Variants in EPB41L4B observed in about 807,000 individuals in gnomAD.
EPB41L4B encodes erythrocyte membrane protein band 4.1 like 4B.
Under a neutral mutation model 112.5 loss-of-function variants are expected in EPB41L4B, and 30 were observed. The ratio of observed to expected loss-of-function variants is 0.27; its 90% CI spans 0.20 to 0.36. The LOEUF is 0.36. Ranked by LOEUF, EPB41L4B falls within the 10% of genes least tolerant of loss-of-function variation. The pLI is 1.00. For synonymous variants in EPB41L4B, 408 were observed against 439.7 expected, an observed-to-expected ratio of 0.93 and a Z score of 0.90; for missense variants, 1,024 against 1,133.3, an observed-to-expected ratio of 0.90 and a Z score of 1.38.
At chr9:109,312,431 G>A (rs1400252659) in intron 1 of EPB41L4B, among the ~76,000 whole-genome samples, 6 of 152,062 alleles carry the variant, frequency 3.9e-5, no homozygotes, top group African/African-American at 1.4e-4. Flanking sequence ...GATCCCAAGT[G>A]GCCTACAAAG....
rs369599059 is a variant in EPB41L4B at position 109,194,230 on chromosome 9, G to A, written c.2213C>T (p.Pro738Leu). ...HKSEGKGLLS[P>L]GAKSPSDRGG... ...TCCACCCCCCAATACCTTGGCCCCAGGGGACAGCAGGCCTTTGCCTTCTGA... is the reference window on the plus strand; with the variant it reads ...TCCACCCCCCAATACCTTGGCCCCAAGGGACAGCAGGCCTTTGCCTTCTGA... Residue 738 changes from proline to leucine, a missense_variant, in exon 21 of 26, where the codon CCT (proline) becomes CTT (leucine). By Grantham distance (98) the Pro-to-Leu change is moderately conservative. Coordinates refer to ENST00000374566, the MANE Select transcript of EPB41L4B (RefSeq NM_019114.5). 6.2e-7 allele frequency: 1 copy of A among 1,614,066 alleles called. No individual in the cohort carries two copies. Among genetic ancestry groups the A allele is most frequent in the Non-Finnish European group, 8.5e-7 (1 of 1,179,940 alleles).
chr9:109,287,194 CT>C (rs1276343613), intron 1 of EPB41L4B, among the ~76,000 whole-genome samples: 1 of 152,192 alleles, frequency 6.6e-6, no homozygotes, highest in African/African-American at 2.4e-5. Flanking sequence ...GCTGGCCAGC[CT>C]GAGATTCTCA....
intron 2 of EPB41L4B, among the ~76,000 whole-genome samples, chr9:109,274,182 G>A (rs1027285524): frequency 1.3e-5 from 2 of 152,160 alleles, no homozygotes; most frequent in Non-Finnish European, 2.9e-5. Context: ...ACTGCAAAAT[G>A]TACCATCAGA....
intron 1 of EPB41L4B, among the ~76,000 whole-genome samples, chr9:109,319,025 CGG>C (rs1295775089): frequency 6.6e-6 from 1 of 152,168 alleles, no homozygotes; most frequent in East Asian, 1.9e-4. Flanking sequence ...CTTGGAAGTC[CGG>C]GTATGTTATT....
At chr9:109,223,738 G>A (rs924859094) in intron 15 of EPB41L4B, among the ~76,000 whole-genome samples, 1 of 152,160 alleles carries the variant, frequency 6.6e-6, no homozygotes, top group African/African-American at 2.4e-5. Flanking sequence ...CTAGGGGGAG[G>A]CCGGGCACGG....
intron 13 of EPB41L4B, among the ~76,000 whole-genome samples, chr9:109,249,471 G>C (rs1834698020): frequency 6.6e-6 from 1 of 151,658 alleles, no homozygotes; most frequent in South Asian, 2.1e-4. Flanking sequence ...TGTTCCTAAA[G>C]GGTATATTTA....
At chr9:109,281,722 A>AAATAAATTAATT (rs1250851380) in intron 1 of EPB41L4B, among the ~76,000 whole-genome samples, 8 of 125,556 alleles carry the variant, frequency 6.4e-5, no homozygotes, top group African/African-American at 2.3e-4. Flanking sequence ...ATAAATAAAT[A>AAATAAATTAATT]AATTAATTAA....
chr9:109,251,083 T>G (rs754152868), intron 13 of EPB41L4B, among the ~76,000 whole-genome samples: 1 of 152,264 alleles, frequency 6.6e-6, no homozygotes, highest in African/African-American at 2.4e-5. Flanking sequence ...TCTTCTATGA[T>G]GTAAAACCTG....
intron 17 of EPB41L4B, among the ~76,000 whole-genome samples, chr9:109,210,785 T>G (rs1833139233): frequency 6.6e-6 from 1 of 152,232 alleles, no homozygotes; most frequent in Non-Finnish European, 1.5e-5. Flanking sequence ...GAGGATGGCT[T>G]CAAGAATGTT....
chr9:109,268,986 G>C (rs1835513595), intron 2 of EPB41L4B, among the ~76,000 whole-genome samples: 1 of 151,090 alleles, frequency 6.6e-6, no homozygotes, highest in African/African-American at 2.4e-5. Context: ...GTTTTACAAA[G>C]TGGTGCCTGA....
At chr9:109,234,249 C>A (rs1186792428) in intron 15 of EPB41L4B, among the ~76,000 whole-genome samples, 1 of 152,144 alleles carries the variant, frequency 6.6e-6, no homozygotes, top group African/African-American at 2.4e-5. Context: ...CAATATCCAA[C>A]TTAAATATGC....
At chr9:109,249,052 C>A (rs1440309065) in intron 13 of EPB41L4B, among the ~76,000 whole-genome samples, 18 of 59,304 alleles carry the variant, frequency 3.0e-4, no homozygotes, top group African/African-American at 1.0e-3. Flanking sequence ...GAGCGAGACT[C>A]CATCTCAAAA....
At chr9:109,226,627 TATGAAGA>T (rs1466312940) in intron 15 of EPB41L4B, among the ~76,000 whole-genome samples, 40 of 38,864 alleles carry the variant, frequency 1.0e-3, no homozygotes, top group African/African-American at 3.0e-3. Flanking sequence ...TATATATATA[TATGAAGA>T]ATATATATAT....
chr9:109,299,310 C>G (rs1836866159), intron 1 of EPB41L4B, among the ~76,000 whole-genome samples: 1 of 152,194 alleles, frequency 6.6e-6, no homozygotes, highest in South Asian at 2.1e-4. Flanking sequence ...AGGTCTCACT[C>G]TGTTGCCCAG....
chr9:109,296,417 C>A (rs1240192084), intron 1 of EPB41L4B, among the ~76,000 whole-genome samples: 1 of 152,188 alleles, frequency 6.6e-6, no homozygotes, highest in African/African-American at 2.4e-5. Context: ...TGAATCCTAA[C>A]TCTATTACTC....
rs10625718 is a variant in EPB41L4B at position 109,178,902 on chromosome 9, T to TA, written c.2488-2207dup. On this transcript the variant is annotated intron_variant, in intron 24 of 25. Coordinates refer to ENST00000374566, the MANE Select transcript of EPB41L4B (RefSeq NM_019114.5). ...GTTCTTGATTGCCATATACTTCAAG[T>TA]AAAAAAAAAAAAAAAAAGCCAGTTT... Among the ~76,000 whole-genome samples, 107 of 105,134 alleles carry TA rather than the reference T, an allele frequency of 1.0e-3. 4 individuals are homozygous for TA. The highest frequency in any genetic ancestry group is 3.0e-3 in the South Asian group (9 of 2,984). 69.0% of individuals were successfully genotyped at this position (105,134 alleles called of 152,430 possible).
intron 1 of EPB41L4B, among the ~76,000 whole-genome samples, chr9:109,309,476 G>A (rs1281984273): frequency 6.6e-6 from 1 of 152,158 alleles, no homozygotes; most frequent in East Asian, 1.9e-4. Context: ...AAGCGGAACG[G>A]GATACGGGAG....
At chr9:109,287,304 C>T (rs954357250) in intron 1 of EPB41L4B, among the ~76,000 whole-genome samples, 1 of 152,184 alleles carries the variant, frequency 6.6e-6, no homozygotes, top group Non-Finnish European at 1.5e-5. Context: ...ACTATCCTGA[C>T]CTTCTTAGGT....
intron 24 of EPB41L4B, among the ~76,000 whole-genome samples, chr9:109,179,722 C>T (rs1831983921): frequency 6.6e-6 from 1 of 152,190 alleles, no homozygotes; most frequent in African/African-American, 2.4e-5. Context: ...GGAACCATTT[C>T]TGACCCTCTC....
Sources: gnomAD v4.1 joint callset for allele counts (sites outside exome capture counted in the v4.1 genomes callset) on GRCh38, gnomAD v4.1.1 for gene constraint, MANE v1.5 for transcripts, NCBI Gene and HGNC (gene_info 2026-07-23, HGNC 2026-07-21) for gene names.